The following USP34 variants were observed in gnomAD, a reference collection of about 807,000 sequenced individuals.
USP34 encodes the protein ubiquitin carboxyl-terminal hydrolase 34.
A neutral mutation model predicts 460.3 loss-of-function variants in USP34; 70 were observed. That is an observed-to-expected ratio of 0.15 (90% confidence interval 0.13 to 0.19). The LOEUF (loss-of-function observed/expected upper bound fraction) is 0.19. USP34 is among the 10% of genes least tolerant of loss of function. USP34 has a pLI of 1.00. For missense variants in USP34, 3,985 were observed against 4,236.2 expected, an observed-to-expected ratio of 0.94 and a Z score of 1.65; for synonymous variants, 1,647 against 1,405.3, an observed-to-expected ratio of 1.17 and a Z score of -3.85.
chr2:61,345,160 G>C (rs1186505914), intron 15 of USP34, among the ~76,000 whole-genome samples: 1 of 151,916 alleles, frequency 6.6e-6, no homozygotes, highest in Non-Finnish European at 1.5e-5. Flanking sequence ...CATAATCACA[G>C]CTACTCGGGA....
rs141284751 is a variant in USP34, at chr2:61,245,130, C to T, written c.6627+80G>A. ...TCATAGCAATTAAAAGAAAGTTAAG[C>T]GACTCTGCTATTGGATTTTATGATA... On this transcript the variant is annotated intron_variant, in intron 51 of 79. Transcript: ENST00000398571. The T allele has an allele frequency of 5.2e-5, 52 of 995,432 alleles. 1 individual carries two copies. The East Asian group carries it at 6.4e-4, about 12-fold the overall frequency. 61.7% of individuals were successfully genotyped at this position (995,432 alleles called of 1,614,324 possible). A position where few individuals can be genotyped will look rare whatever the true frequency, so the allele number is the denominator to read the frequency against.
In USP34 at chr2:61,192,968, G is replaced by C; in HGVS notation, c.9521C>G (p.Ala3174Gly). 6.2e-7 allele frequency: 1 copy of C among 1,613,454 alleles called. No individual in the cohort carries two copies. The highest frequency in any genetic ancestry group is 8.5e-7 in the Non-Finnish European group (1 of 1,179,604). The change falls in exon 76 of 80, where the codon GCC becomes GGC. Residue 3174 changes from alanine (A) to glycine (G), a missense_variant. Physicochemically the swap from Ala to Gly is moderately conservative, Grantham distance 60 (BLOSUM62 0). Transcript: ENST00000398571. ...ETLVKLSVLV[A>G]YEGLPLHLAL... ...AAGATGAAGTGGCAAACCTTCATAGGCAACTAGGACACCTAATATTTGAAA... is the reference window on the plus strand; with the variant it reads ...AAGATGAAGTGGCAAACCTTCATAGCCAACTAGGACACCTAATATTTGAAA...
intron 1 of USP34, among the ~76,000 whole-genome samples, chr2:61,427,453 G>A (rs143360041): frequency 0.015 from 2,331 of 152,260 alleles, 52 homozygotes; most frequent in African/African-American, 0.052. Context: ...TAGCATCAAC[G>A]CCATCCAGGA....
At position 61,221,554 on chromosome 2, in the gene USP34, C is replaced by G; in HGVS notation, c.7847G>C (p.Gly2616Ala). 6.2e-7 allele frequency: 1 copy of G among 1,614,080 alleles called. No individual in the cohort carries two copies. Among genetic ancestry groups the G allele is most frequent in the Non-Finnish European group, 8.5e-7 (1 of 1,179,962 alleles). ...TGCAAAGGGAGGCATTCCTGGAGGT[C>G]CACCAGCAAACTCCATTAGCATAGT... ...LLTMLMEFAG[G>A]PPGMPPFASY... The change falls in exon 66 of 80, where the codon GGA (glycine) becomes GCA (alanine). Residue 2616 changes from glycine (G) to alanine (A), a missense_variant. By Grantham distance (60) the Gly-to-Ala change is moderately conservative. Transcript: ENST00000398571.
chr2:61,273,434 C>CATG (rs1250534648), intron 41 of USP34, among the ~76,000 whole-genome samples: 1 of 152,034 alleles, frequency 6.6e-6, no homozygotes, highest in African/African-American at 2.4e-5. Flanking sequence ...AATGGACTAC[C>CATG]TTGGTCAGGC....
intron 22 of USP34, 90 bp downstream of exon 22, chr2:61,319,070 TAAAAAAACTGTCA>T (rs1690835899): frequency 2.5e-6 from 3 of 1,205,266 alleles, no homozygotes; most frequent in Middle Eastern, 5.8e-4. Context: ...TTTGGCTACT[TAAAAAAACTGTCA>T]AAAAAAAAAA....
chr2:61,413,668 A>G (rs1027803986), intron 2 of USP34, among the ~76,000 whole-genome samples: 1 of 136,662 alleles, frequency 7.3e-6, no homozygotes, highest in African/African-American at 2.8e-5. Context: ...CAAAAAAATT[A>G]AAAAAATAAA....
chr2:61,218,823 A>C (rs1337263946), intron 67 of USP34, among the ~76,000 whole-genome samples: 1 of 152,206 alleles, frequency 6.6e-6, no homozygotes, highest in Non-Finnish European at 1.5e-5. Context: ...GCCCTTTGCC[A>C]TCACGCCATA....
At chr2:61,258,688 T>C (rs1688788580) in intron 44 of USP34, among the ~76,000 whole-genome samples, 1 of 152,200 alleles carries the variant, frequency 6.6e-6, no homozygotes, top group African/African-American at 2.4e-5. Context: ...TGAGCTCGAA[T>C]ACCATTCTGT....
chr2:61,308,621 G>A (rs989375048), intron 27 of USP34, among the ~76,000 whole-genome samples: 2 of 152,008 alleles, frequency 1.3e-5, no homozygotes, highest in African/African-American at 4.8e-5. Flanking sequence ...AAACTGAAAG[G>A]GTCCAGTGCT....
At chr2:61,318,190 C>CAA (rs35751865) in intron 22 of USP34, among the ~76,000 whole-genome samples, 19,926 of 107,814 alleles carry the variant, frequency 0.18, 1,855 homozygotes, top group South Asian at 0.37. Context: ...AAGCCCATCT[C>CAA]AAAAAAAAAA....
chr2:61,387,734 TA>T (rs1169981311), intron 5 of USP34, among the ~76,000 whole-genome samples: 48 of 146,060 alleles, frequency 3.3e-4, no homozygotes, highest in Non-Finnish European at 5.8e-4. Flanking sequence ...TACACACATG[TA>T]AAAATATATT....
intron 57 of USP34, among the ~76,000 whole-genome samples, chr2:61,235,018 A>T (rs1280119877): frequency 2.6e-5 from 4 of 152,216 alleles, no homozygotes; most frequent in Non-Finnish European, 5.9e-5. Context: ...GTTTTGAGAC[A>T]AAACTGATTT....
At position 61,211,944 on chromosome 2, in the gene USP34, T is replaced by G; in HGVS notation, c.8683-15A>C. ...TCTTCTACTGCCTAAAAAAGCCAAA[T>G]AAGCCATATGATCTTTTAACCCTAT... On this transcript the variant is annotated splice_polypyrimidine_tract_variant and intron_variant, in intron 68 of 79. Transcript: ENST00000398571. The G allele has an allele frequency of 6.3e-7, 1 of 1,595,774 alleles. No individual in the cohort carries two copies. Among genetic ancestry groups the G allele is most frequent in the Non-Finnish European group, 8.5e-7 (1 of 1,175,148 alleles).
At chr2:61,270,850 T>C (rs1689192129) in intron 41 of USP34, among the ~76,000 whole-genome samples, 1 of 152,238 alleles carries the variant, frequency 6.6e-6, no homozygotes, top group East Asian at 1.9e-4. Flanking sequence ...GTTTCTCCTA[T>C]ACTTCCTAAA....
chr2:61,353,840 G>A (rs937100050), intron 10 of USP34, among the ~76,000 whole-genome samples: 8 of 152,050 alleles, frequency 5.3e-5, no homozygotes, highest in Admixed American at 3.3e-4. Context: ...TTATAAAAAG[G>A]AACCAAAAAG....
At chr2:61,448,787 A>G (rs1321213546) in intron 1 of USP34, among the ~76,000 whole-genome samples, 1 of 152,220 alleles carries the variant, frequency 6.6e-6, no homozygotes, top group Non-Finnish European at 1.5e-5. Context: ...TAAAATCTAG[A>G]AAAACAATTT....
In USP34 at chr2:61,420,682, T is replaced by C. The variant is rs186130982; in HGVS notation, c.131+64A>G. Reference sequence around the variant, plus strand: ...ACACCCTAAAAAGAAAATGTGACAATAAAAATCGCAACTTATAACACAACT... The same window carrying C: ...ACACCCTAAAAAGAAAATGTGACAACAAAAATCGCAACTTATAACACAACT... On this transcript the variant is annotated intron_variant, in intron 2 of 79. Transcript: ENST00000398571. 746 of 1,277,794 alleles carry C rather than the reference T, an allele frequency of 5.8e-4. 1 individual carries two copies. The African/African-American group carries it at 9.7e-3, about 17-fold the overall frequency. The allele number at this position is 1,277,794 out of a possible 1,614,324, so 79.2% of individuals were successfully genotyped here. A position where few individuals can be genotyped will look rare whatever the true frequency, so the allele number is the denominator to read the frequency against.
chr2:61,327,360 A>G (rs1443925619), intron 20 of USP34, among the ~76,000 whole-genome samples: 1 of 152,206 alleles, frequency 6.6e-6, no homozygotes, highest in Non-Finnish European at 1.5e-5. Flanking sequence ...AGGAAATCTG[A>G]TAAGCAACTC....
Sources: gnomAD v4.1 joint callset for allele counts (sites outside exome capture counted in the v4.1 genomes callset) on GRCh38, gnomAD v4.1.1 for gene constraint, MANE v1.5 for transcripts, NCBI Gene and HGNC (gene_info 2026-07-23, HGNC 2026-07-21) for gene names.